ZNF609: variants seen among roughly 807,000 people sequenced by gnomAD.
The protein encoded by ZNF609 is zinc finger protein 609.
ZNF609 carries 11 observed loss-of-function variants against 109.5 expected under a neutral mutation model. That is an observed-to-expected ratio of 0.10 (90% CI 0.06 to 0.17). The LOEUF is 0.17. Among genes scored for constraint, ZNF609 ranks in the 10% least tolerant of loss-of-function variants. The pLI is 1.00. For synonymous variants in ZNF609, 646 were observed against 662.0 expected (o/e 0.98, Z 0.37); for missense variants, 1,559 against 1,772.4 (o/e 0.88, Z 2.16).
chr15:64,665,038 G>GC (rs1220139289), intron 3 of ZNF609, among the ~76,000 whole-genome samples: 1 of 152,200 alleles, frequency 6.6e-6, no homozygotes, highest in Non-Finnish European at 1.5e-5. Flanking sequence ...AGTAATCAGA[G>GC]CAGGCCACCT....
chr15:64,544,320 C>T (rs932811820), intron 2 of ZNF609, among the ~76,000 whole-genome samples: 2 of 152,168 alleles, frequency 1.3e-5, no homozygotes, highest in Admixed American at 1.3e-4. Context: ...GCCTGGGTGA[C>T]AGAGTGAGAC....
intron 2 of ZNF609, among the ~76,000 whole-genome samples, chr15:64,604,583 T>C (rs1013175276): frequency 6.6e-6 from 1 of 152,218 alleles, no homozygotes; most frequent in Non-Finnish European, 1.5e-5. Context: ...ATAACATCAG[T>C]GACTAAATAA....
At chr15:64,483,169 C>A (rs1392200170) in intron 1 of ZNF609, among the ~76,000 whole-genome samples, 3 of 151,964 alleles carry the variant, frequency 2.0e-5, no homozygotes, top group African/African-American at 7.3e-5. Context: ...TATCTCAGCT[C>A]CCTGCAACCT....
chr15:64,529,007 C>A, intron 2 of ZNF609: 1 of 1,508,382 alleles, frequency 6.6e-7, no homozygotes, highest in South Asian at 1.2e-5. Flanking sequence ...CCGTTCAGCT[C>A]AGGGATGACC....
intron 3 of ZNF609, among the ~76,000 whole-genome samples, chr15:64,666,987 G>C (rs766394200): frequency 6.6e-6 from 1 of 152,068 alleles, no homozygotes; most frequent in Admixed American, 6.5e-5. Context: ...AAAATTAGCC[G>C]GGTGTGGTGA....
intron 2 of ZNF609, among the ~76,000 whole-genome samples, chr15:64,590,543 T>A (rs2140937622): frequency 6.6e-6 from 1 of 152,212 alleles, no homozygotes; most frequent in East Asian, 1.9e-4. Context: ...GGTCTTGAAC[T>A]CCTGGCCTCA....
chr15:64,611,925 T>TG (rs1327963424), intron 2 of ZNF609, among the ~76,000 whole-genome samples: 1 of 149,690 alleles, frequency 6.7e-6, no homozygotes, highest in African/African-American at 2.5e-5. Flanking sequence ...TTTGTAGAGA[T>TG]GGGGTTTCAC....
intron 2 of ZNF609, among the ~76,000 whole-genome samples, chr15:64,504,677 C>T (rs565485021): frequency 6.7e-6 from 1 of 149,630 alleles, no homozygotes; most frequent in East Asian, 2.0e-4. Context: ...GATAGGGGTT[C>T]ACCATGTTGG....
At chr15:64,576,402 C>G (rs1255054105) in intron 2 of ZNF609, among the ~76,000 whole-genome samples, 1 of 151,462 alleles carries the variant, frequency 6.6e-6, no homozygotes, top group East Asian at 1.9e-4. Context: ...TCATGTGCTT[C>G]TTAGTTATGA....
chr15:64,630,209 T>C (rs975407746), intron 3 of ZNF609, among the ~76,000 whole-genome samples: 5 of 151,192 alleles, frequency 3.3e-5, no homozygotes, highest in African/African-American at 1.2e-4. Flanking sequence ...GTAGCTGGGA[T>C]TACAGGCGCC....
At chr15:64,624,370 C>T (rs1895921382) in intron 3 of ZNF609, among the ~76,000 whole-genome samples, 1 of 152,136 alleles carries the variant, frequency 6.6e-6, no homozygotes, top group Non-Finnish European at 1.5e-5. Context: ...GGACAAATGT[C>T]TGAACAGTCA....
chr15:64,528,166 C>G (rs918893536), intron 2 of ZNF609, among the ~76,000 whole-genome samples: 1 of 151,240 alleles, frequency 6.6e-6, no homozygotes, highest in Admixed American at 6.6e-5. Context: ...GACGCGATCT[C>G]GGCTCACTGC....
At chr15:64,479,379 C>T (rs1893217478) in intron 1 of ZNF609, among the ~76,000 whole-genome samples, 1 of 137,286 alleles carries the variant, frequency 7.3e-6, no homozygotes, top group Non-Finnish European at 1.5e-5. Context: ...GCAAGCTCTG[C>T]CTCCCGGATT....
intron 2 of ZNF609, among the ~76,000 whole-genome samples, chr15:64,575,637 T>C (rs1013733706): frequency 6.6e-6 from 1 of 152,202 alleles, no homozygotes; most frequent in African/African-American, 2.4e-5. Flanking sequence ...TTGTGTACTA[T>C]TAATTATATA....
At chr15:64,503,747 G>C (rs1893593957) in intron 2 of ZNF609, among the ~76,000 whole-genome samples, 1 of 152,172 alleles carries the variant, frequency 6.6e-6, no homozygotes, top group Non-Finnish European at 1.5e-5. Flanking sequence ...ACTGCACTTT[G>C]CTTTTCCCGT....
At chr15:64,500,308 G>A in intron 2 of ZNF609, 142 bp downstream of exon 2, 1 of 1,166,148 alleles carries the variant, frequency 8.6e-7, no homozygotes, top group Non-Finnish European at 1.2e-6. Context: ...AGCTGGTAAT[G>A]ATAATGTGGT....
intron 2 of ZNF609, among the ~76,000 whole-genome samples, chr15:64,617,724 GAGCT>G (rs1223216376): frequency 1.3e-5 from 2 of 152,070 alleles, no homozygotes; most frequent in Non-Finnish European, 2.9e-5. Context: ...AGGTTGTAGT[GAGCT>G]GAGATCACGC....
chr15:64,666,638 AG>A (rs1187348512), intron 3 of ZNF609, among the ~76,000 whole-genome samples: 1 of 151,728 alleles, frequency 6.6e-6, no homozygotes, highest in Non-Finnish European at 1.5e-5. Context: ...CAGCCTCCTG[AG>A]TAGCTGGGAC....
rs754256001 is a variant in ZNF609, at chr15:64,638,328, TA to T, written c.973+15277del. 4.0e-5 allele frequency among the ~76,000 whole-genome samples: 6 copies of T among 151,852 alleles called. No homozygotes were observed. In the East Asian group the frequency reaches 1.2e-3, roughly 29 times the overall value. ...CAGCTTTGTAAATCTTGTTATCTAG[TA>T]GTATAAGTCTTCCAGTTTTGTTGTA... On this transcript the variant is annotated intron_variant, in intron 3 of 9. Coordinates refer to ENST00000326648, the MANE Select transcript of ZNF609 (RefSeq NM_015042.2).
Sources: allele counts gnomAD v4.1 joint callset (sites outside exome capture counted in the v4.1 genomes callset), GRCh38; gene constraint gnomAD v4.1.1; transcripts MANE v1.5; gene names NCBI Gene and HGNC (gene_info 2026-07-23, HGNC 2026-07-21).